Variants in DNAH9 observed in about 807,000 individuals in gnomAD.
DNAH9 encodes DNAH9 variant protein.
A neutral mutation model predicts 471.6 loss-of-function variants in DNAH9; 345 were observed. The ratio of observed to expected loss-of-function variants is 0.73; its 90% CI spans 0.67 to 0.80. DNAH9 has a LOEUF of 0.80. Ranked by LOEUF, DNAH9 falls within the 30% of genes least tolerant of loss-of-function variation. The pLI, the probability that DNAH9 is intolerant of heterozygous loss-of-function variation, is 0.00. For missense variants in DNAH9, 5,407 were observed against 5,609.2 expected (o/e 0.96, Z 1.15); for synonymous variants, 2,093 against 2,123.6 (o/e 0.99, Z 0.40).
At chr17:11,852,754 A>T (rs1292771297) in intron 49 of DNAH9, among the ~76,000 whole-genome samples, 1 of 149,150 alleles carries the variant, frequency 6.7e-6, no homozygotes, top group Non-Finnish European at 1.5e-5. Context: ...AGAAGTGCAT[A>T]GAAGTGCATG....
At chr17:11,697,454 T>C (rs777523448) in intron 22 of DNAH9, among the ~76,000 whole-genome samples, 22 of 152,196 alleles carry the variant, frequency 1.4e-4, no homozygotes, top group Non-Finnish European at 2.9e-4. Flanking sequence ...TAGGTCCCTA[T>C]AGAGAATAAA....
intron 38 of DNAH9, among the ~76,000 whole-genome samples, chr17:11,770,698 C>T (rs1968172395): frequency 6.6e-6 from 1 of 152,230 alleles, no homozygotes; most frequent in South Asian, 2.1e-4. Context: ...ACTAGTTTGT[C>T]AAAGATGTAA....
At chr17:11,610,071 C>T (rs1324378048) in intron 2 of DNAH9, among the ~76,000 whole-genome samples, 1 of 152,188 alleles carries the variant, frequency 6.6e-6, no homozygotes, top group African/African-American at 2.4e-5. Flanking sequence ...TTTCTGTCCA[C>T]GGTATTCCTG....
At position 11,807,761 on chromosome 17, in the gene DNAH9, C is replaced by G; in HGVS notation, c.8450C>G (p.Pro2817Arg). The change falls in exon 44 of 69, where the codon CCG becomes CGG. Residue 2817 changes from proline to arginine, a missense_variant. Transcript: ENST00000262442. The stretch of plus-strand genomic sequence containing the variant: ...CATATCAATCGCATCTTGGAGTCCC[C>G]GCGGGGAAATGCTCTGCTGGTTGGT... ...VCHINRILES[P>R]RGNALLVGVG... 3.1e-6 allele frequency: 5 copies of G among 1,612,384 alleles called. No individual in the cohort carries two copies. Among genetic ancestry groups the G allele is most frequent in the Non-Finnish European group, 4.2e-6 (5 of 1,178,630 alleles).
intron 59 of DNAH9, among the ~76,000 whole-genome samples, chr17:11,896,420 A>G (rs772114911): frequency 1.4e-4 from 22 of 152,228 alleles, no homozygotes; most frequent in Non-Finnish European, 1.6e-4. Flanking sequence ...TTTATTGACA[A>G]AAACAGATGG....
chr17:11,706,634 G>A (rs1487573933), intron 26 of DNAH9, among the ~76,000 whole-genome samples: 1 of 152,186 alleles, frequency 6.6e-6, no homozygotes, highest in Non-Finnish European at 1.5e-5. Flanking sequence ...TATTTGACCT[G>A]GAGCGTGAAG....
At position 11,969,195 on chromosome 17, in the gene DNAH9, A is replaced by G. The variant is rs116085210; in HGVS notation, c.13234-105A>G. The G allele has an allele frequency of 2.7e-3, 2,596 of 966,840 alleles. 46 individuals carry two copies. The African/African-American group carries it at 0.038, about 14-fold the overall frequency. 59.9% of individuals were successfully genotyped at this position (966,840 alleles called of 1,614,324 possible). ...GAAGGGGGCAGGCATAAAGGCAGCC[A>G]TGTCAGTCCAGTCTTTCCTCCCTTG... is the stretch of plus-strand genomic sequence containing the variant. On this transcript the variant is annotated intron_variant, in intron 68 of 68. Transcript: ENST00000262442.
chr17:11,921,735 C>T (rs1974145276), intron 61 of DNAH9, among the ~76,000 whole-genome samples: 1 of 152,102 alleles, frequency 6.6e-6, no homozygotes, highest in South Asian at 2.1e-4. Context: ...TCCATTTTTC[C>T]CCTTCTCAAT....
At chr17:11,599,586 G>A (rs2072341390) in intron 1 of DNAH9, among the ~76,000 whole-genome samples, 1 of 152,210 alleles carries the variant, frequency 6.6e-6, no homozygotes, top group African/African-American at 2.4e-5. Flanking sequence ...AGCTCAGGGA[G>A]GAAGGTGGAG....
chr17:11,798,378 G>A lies in DNAH9; in HGVS notation c.8420+585G>A, dbSNP rs567658673. The stretch of plus-strand genomic sequence containing the variant: ...AACCTGGGAGGCCCAGGTTGCAGTG[G>A]GCCAAGATGGCGCCACTGCACTCCA... On this transcript the variant is annotated intron_variant, in intron 43 of 68. Coordinates refer to ENST00000262442, the MANE Select transcript of DNAH9 (RefSeq NM_001372.4). 1.3e-3 allele frequency among the ~76,000 whole-genome samples: 189 copies of A among 147,614 alleles called. 1 individual carries two copies. Among genetic ancestry groups the A allele is most frequent in the African/African-American group, 4.5e-3 (179 of 39,928 alleles).
chr17:11,679,025 C>T (rs1410172686), intron 17 of DNAH9, among the ~76,000 whole-genome samples: 1 of 152,040 alleles, frequency 6.6e-6, no homozygotes, highest in African/African-American at 2.4e-5. Context: ...ATTATATTTT[C>T]CATTTTTAGA....
intron 43 of DNAH9, among the ~76,000 whole-genome samples, chr17:11,805,884 C>T (rs189684458): frequency 1.3e-5 from 2 of 152,170 alleles, no homozygotes; most frequent in East Asian, 3.9e-4. Flanking sequence ...ACAAATGTTT[C>T]ACGCATCCAG....
chr17:11,645,886 T>C (rs1346887723), intron 11 of DNAH9, among the ~76,000 whole-genome samples: 1 of 147,952 alleles, frequency 6.8e-6, no homozygotes, highest in Non-Finnish European at 1.5e-5. Context: ...TTTCTTTTTT[T>C]TTTTTTTTTT....
At chr17:11,941,411 G>A (rs1027443383) in intron 66 of DNAH9, among the ~76,000 whole-genome samples, 6 of 152,084 alleles carry the variant, frequency 3.9e-5, no homozygotes, top group African/African-American at 1.4e-4. Flanking sequence ...TTTCTCTGCT[G>A]ACAGACCTCC....
At chr17:11,788,173 C>T (rs1171308398) in intron 41 of DNAH9, among the ~76,000 whole-genome samples, 1 of 152,178 alleles carries the variant, frequency 6.6e-6, no homozygotes, top group African/African-American at 2.4e-5. Flanking sequence ...GCTTGCCTCA[C>T]TGTAAAACAC....
chr17:11,834,516 G>A, intron 48 of DNAH9, 122 bp from the exon 49 acceptor site: 4 of 1,166,084 alleles, frequency 3.4e-6, no homozygotes, highest in Non-Finnish European at 4.8e-6. Flanking sequence ...ATCAGGAGCT[G>A]TCATCTATTC....
rs1386451402 is a variant in DNAH9 at position 11,871,911 on chromosome 17, C to G, written c.10242+125C>G. 1.1e-5 allele frequency: 12 copies of G among 1,064,064 alleles called. No homozygotes were observed. The South Asian group carries it at 1.5e-4, about 13-fold the overall frequency. 65.9% of individuals were successfully genotyped at this position (1,064,064 alleles called of 1,614,324 possible). Reference sequence around the variant, plus strand: ...CTCATCCCCACCACCCCCTGAGCACCAGGTGTGAAACCTGCGTACCCGTGT... The same window carrying G: ...CTCATCCCCACCACCCCCTGAGCACGAGGTGTGAAACCTGCGTACCCGTGT... On this transcript the variant is annotated intron_variant, in intron 52 of 68. Transcript: ENST00000262442.
chr17:11,756,558 T>C lies in DNAH9; in HGVS notation c.6739-10T>C. 1.3e-6 allele frequency: 2 copies of C among 1,564,108 alleles called. No homozygotes were observed. The highest frequency in any genetic ancestry group is 1.8e-6 in the Non-Finnish European group (2 of 1,134,328). ...TTCCTCACTGGCATGCCCTTCCCTGTTGTCTCCAGGTGCTGACATTGGCCA... is the reference window on the plus strand; with the variant it reads ...TTCCTCACTGGCATGCCCTTCCCTGCTGTCTCCAGGTGCTGACATTGGCCA... On this transcript the variant is annotated splice_polypyrimidine_tract_variant and intron_variant, in intron 33 of 68. Transcript: ENST00000262442.
intron 53 of DNAH9, among the ~76,000 whole-genome samples, chr17:11,876,167 A>G (rs1972473573): frequency 6.6e-6 from 1 of 152,198 alleles, no homozygotes. Flanking sequence ...AGCATTATTC[A>G]TAATAGACAA....
Sources: allele counts gnomAD v4.1 joint callset (sites outside exome capture counted in the v4.1 genomes callset), GRCh38; gene constraint gnomAD v4.1.1; transcripts MANE v1.5; gene names NCBI Gene and HGNC (gene_info 2026-07-23, HGNC 2026-07-21).